Variants in ARF1 observed in about 807,000 individuals in gnomAD.
The protein encoded by ARF1 is ADP-ribosylation factor 1.
In ARF1, 1 loss-of-function variant was observed where a neutral mutation model predicts 18.0. The ratio of observed to expected loss-of-function variants is 0.06; its 90% CI spans 0.02 to 0.26. The LOEUF is 0.26. Ranked by LOEUF, ARF1 falls within the 10% of genes least tolerant of loss-of-function variation. The probability of loss-of-function intolerance (pLI) is 1.00; values close to 1 mark genes in which losing one functional copy is unlikely to be tolerated. For synonymous variants in ARF1, 112 were observed against 96.3 expected, an observed-to-expected ratio of 1.16 and a Z score of -0.95; for missense variants, 73 against 247.2, an observed-to-expected ratio of 0.30 and a Z score of 4.73.
In ARF1 at chr1:228,089,368, T is replaced by TG. The variant is rs1047467201; in HGVS notation, c.-38+6610dup. Among the ~76,000 whole-genome samples, 10 of 152,108 alleles carry TG rather than the reference T, an allele frequency of 6.6e-5. No individual in the cohort carries two copies. The highest frequency in any genetic ancestry group is 2.1e-4 in the South Asian group (1 of 4,812). ...AAGGGCGGTGGCCTCCCAGGGTCTG[T>TG]GGGGGGGCATCCCCGTCTCTTTACA... On this transcript the variant is annotated intron_variant, in intron 1 of 4. Coordinates refer to ENST00000272102, the MANE Select transcript of ARF1 (RefSeq NM_001658.4). This position sits in a 1 kb window ranked among gnomAD's most constrained non-coding sequence, Gnocchi z 4.1.
chr1:228,088,933 A>G (rs906910757), intron 1 of ARF1, among the ~76,000 whole-genome samples: 2 of 152,166 alleles, frequency 1.3e-5, no homozygotes, highest in African/African-American at 4.8e-5. Context: ...AAGGCAGCCT[A>G]TTGCAAGGAC....
chr1:228,086,097 TAATC>T, intron 1 of ARF1, among the ~76,000 whole-genome samples: 1 of 152,184 alleles, frequency 6.6e-6, no homozygotes, highest in East Asian at 1.9e-4. Context: ...GCCAATAATT[TAATC>T]AATCACACCT....
At chr1:228,095,274 C>G (rs2032703980) in intron 1 of ARF1, among the ~76,000 whole-genome samples, 1 of 119,402 alleles carries the variant, frequency 8.4e-6, no homozygotes, top group Admixed American at 1.2e-4. Context: ...ACAGGCCTGT[C>G]TCTTGGTGGG....
At chr1:228,095,324 T>G (rs2032706106) in intron 1 of ARF1, among the ~76,000 whole-genome samples, 1 of 152,158 alleles carries the variant, frequency 6.6e-6, no homozygotes, top group Admixed American at 6.5e-5. Context: ...TGTGTGTGGA[T>G]CTGCTGGGGC....
intron 1 of ARF1, among the ~76,000 whole-genome samples, chr1:228,092,672 A>G (rs2032612245): frequency 6.6e-6 from 1 of 152,134 alleles, no homozygotes; most frequent in African/African-American, 2.4e-5. Flanking sequence ...GAGATGATCA[A>G]CCTTCCGCCT....
At chr1:228,093,202 G>A (rs1457475813) in intron 1 of ARF1, among the ~76,000 whole-genome samples, 2 of 152,084 alleles carry the variant, frequency 1.3e-5, no homozygotes, top group South Asian at 2.1e-4. Context: ...CCTGAAAAGC[G>A]GGTTTTGGCT....
intron 1 of ARF1, among the ~76,000 whole-genome samples, chr1:228,094,043 C>T (rs927100408): frequency 1.3e-5 from 2 of 151,342 alleles, no homozygotes; most frequent in Non-Finnish European, 2.9e-5. Flanking sequence ...GCTGCATGAT[C>T]TCCTGGGCAT....
chr1:228,095,066 T>C (rs930818311), intron 1 of ARF1, among the ~76,000 whole-genome samples: 9 of 152,232 alleles, frequency 5.9e-5, no homozygotes, highest in African/African-American at 1.9e-4. Flanking sequence ...ATCTTCCTTT[T>C]TCATTCTGTT....
intron 1 of ARF1, among the ~76,000 whole-genome samples, chr1:228,095,928 A>G (rs1318437473): frequency 1.3e-5 from 2 of 152,242 alleles, no homozygotes; most frequent in Non-Finnish European, 2.9e-5. Flanking sequence ...TTTAAATTTC[A>G]GAATAGGTGA....
At chr1:228,093,218 G>A (rs962319011) in intron 1 of ARF1, among the ~76,000 whole-genome samples, 3 of 152,148 alleles carry the variant, frequency 2.0e-5, no homozygotes, top group Non-Finnish European at 4.4e-5. Context: ...TGGCTTGTGT[G>A]CAGGGACTCT....
At position 228,098,788 on chromosome 1, in the gene ARF1, C is replaced by T. The variant is rs956005689; in HGVS notation, c.*775C>T. The T allele has an allele frequency of 6.6e-6, 1 of 152,656 alleles. No individual in the cohort carries two copies. The highest frequency in any genetic ancestry group is 1.5e-5 in the Non-Finnish European group (1 of 68,054). 9.5% of individuals were successfully genotyped at this position (152,656 alleles called of 1,614,324 possible). ...CATCTGTCCCTCGGTCGCCGTGTGG[C>T]CAGAGTGGGTCCGTCGTCCCCAACA... is the stretch of plus-strand genomic sequence containing the variant. On this transcript the variant is annotated 3_prime_UTR_variant, in exon 5 of 5. Coordinates refer to ENST00000272102, the MANE Select transcript of ARF1 (RefSeq NM_001658.4).
intron 1 of ARF1, among the ~76,000 whole-genome samples, chr1:228,091,955 T>C (rs1049151985): frequency 1.3e-5 from 2 of 152,178 alleles, no homozygotes; most frequent in African/African-American, 4.8e-5. Flanking sequence ...AAATTGATCA[T>C]CTACACTATA....
intron 1 of ARF1, among the ~76,000 whole-genome samples, chr1:228,086,587 C>G (rs1403766255): frequency 1.3e-5 from 2 of 152,044 alleles, no homozygotes; most frequent in African/African-American, 4.8e-5. Flanking sequence ...AAAGGCCTGC[C>G]TGGGTTTTCA....
Position 228,086,707 on chromosome 1 carries a change from A to G in ARF1, c.-38+3942A>G, listed in dbSNP as rs77571032. Among the ~76,000 whole-genome samples, 353 of 152,234 alleles carry G rather than the reference A, an allele frequency of 2.3e-3. 3 individuals carry two copies. Among genetic ancestry groups the G allele is most frequent in the African/African-American group, 8.3e-3 (346 of 41,536 alleles). ...CATACACCGCCCACTGCATCTCTCC[A>G]TCTGTATCCTTTGTAACATCCTTTA... On this transcript the variant is annotated intron_variant, in intron 1 of 4. Transcript: ENST00000272102.
rs1399893008 is a variant in ARF1, at chr1:228,093,564, T to G, written c.-37-3514T>G. On this transcript the variant is annotated intron_variant, in intron 1 of 4. Coordinates refer to ENST00000272102, the MANE Select transcript of ARF1 (RefSeq NM_001658.4). ...AGACTTCAGGTTCACCCATCCTGGT[T>G]CTGCCATTCCATTGCAGGGTGGCTT... Among the ~76,000 whole-genome samples, 4 of 151,680 alleles carry G rather than the reference T, an allele frequency of 2.6e-5. No homozygotes were observed. The East Asian group carries it at 7.8e-4, about 29-fold the overall frequency.
intron 1 of ARF1, among the ~76,000 whole-genome samples, chr1:228,086,057 A>G (rs1300764273): frequency 6.6e-6 from 1 of 152,178 alleles, no homozygotes; most frequent in East Asian, 1.9e-4. Flanking sequence ...CAGAGTGGAG[A>G]GGGACTGAAG....
In ARF1 at chr1:228,098,825, TCAGA is replaced by T. The variant is rs1468880351; in HGVS notation, c.*815_*818del. On this transcript the variant is annotated 3_prime_UTR_variant, in exon 5 of 5. Transcript: ENST00000272102. ...CGTCGTCCCCAACACTCGTGCTCGCTCAGACACTTTGGCAGGATGTCTGGGGCCT... is the reference window on the plus strand; with the variant it reads ...CGTCGTCCCCAACACTCGTGCTCGCTCACTTTGGCAGGATGTCTGGGGCCT... 6.6e-6 allele frequency: 1 copy of T among 152,626 alleles called. No individual in the cohort carries two copies. The highest frequency in any genetic ancestry group is 1.5e-5 in the Non-Finnish European group (1 of 68,056). 9.5% of individuals were successfully genotyped at this position (152,626 alleles called of 1,614,324 possible).
intron 1 of ARF1, 93 bp from the exon 2 acceptor site, chr1:228,096,983 TGG>T: frequency 1.8e-6 from 2 of 1,132,214 alleles, no homozygotes; most frequent in Non-Finnish European, 2.5e-6. Flanking sequence ...TTCCAGGAGG[TGG>T]GGTGAGGCAG....
chr1:228,085,927 T>C (rs1197989810), intron 1 of ARF1, among the ~76,000 whole-genome samples: 1 of 152,192 alleles, frequency 6.6e-6, no homozygotes, highest in East Asian at 1.9e-4. Context: ...GAAGTGATGA[T>C]GTCTTTTTGT....
Sources: gnomAD v4.1 joint callset for allele counts (sites outside exome capture counted in the v4.1 genomes callset) on GRCh38, gnomAD v4.1.1 for gene constraint, Gnocchi (gnomAD v3.1) non-coding constraint, MANE v1.5 for transcripts, NCBI Gene and HGNC (gene_info 2026-07-23, HGNC 2026-07-21) for gene names.